The following MIOS variants were observed in gnomAD, a reference collection of about 807,000 sequenced individuals.
The protein encoded by MIOS is GATOR2 complex protein MIOS.
A neutral mutation model predicts 96.9 loss-of-function variants in MIOS; 52 were observed. The observed-to-expected ratio is 0.54, with a 90% confidence interval of 0.43 to 0.68. The LOEUF is 0.68. Ranked by LOEUF, MIOS falls within the 30% of genes least tolerant of loss-of-function variation. The pLI, the probability that MIOS is intolerant of heterozygous loss-of-function variation, is 0.00. For missense variants in MIOS, 1,005 were observed against 1,052.8 expected (o/e 0.95, Z 0.63); for synonymous variants, 397 against 359.5 (o/e 1.10, Z -1.18).
intron 5 of MIOS, among the ~76,000 whole-genome samples, chr7:7,575,344 GTTCAC>G (rs1783495269): frequency 6.6e-6 from 1 of 151,852 alleles, no homozygotes; most frequent in South Asian, 2.1e-4. Context: ...AATTACTTTG[GTTCAC>G]TTTACTGAAA....
chr7:7,588,597 T>C, intron 8 of MIOS, 34 bp downstream of exon 8: 1 of 1,405,584 alleles, frequency 7.1e-7, no homozygotes, highest in Non-Finnish European at 9.9e-7. Flanking sequence ...TTTGAAGTAA[T>C]TAATATGTAC....
intron 5 of MIOS, among the ~76,000 whole-genome samples, chr7:7,578,674 T>C (rs1469847164): frequency 1.3e-5 from 2 of 152,138 alleles, no homozygotes; most frequent in Non-Finnish European, 2.9e-5. Context: ...AAGAGCATAG[T>C]ATCTGATTGC....
chr7:7,600,008 AG>A (rs1371676955), intron 11 of MIOS, among the ~76,000 whole-genome samples: 5 of 152,108 alleles, frequency 3.3e-5, no homozygotes, highest in Admixed American at 1.3e-4. Context: ...AACAGACACC[AG>A]GGCTTACTGG....
rs141631713 is a variant in MIOS at position 7,573,433 on chromosome 7, C to T, written c.958C>T (p.Pro320Ser). ...CACAATAATTGAAAGAAGTGTGCAACCTTGTGACAATTACATTGCTTCCTT... is the reference window on the plus strand; with the variant it reads ...CACAATAATTGAAAGAAGTGTGCAATCTTGTGACAATTACATTGCTTCCTT... ...EPTIIERSVQ[P>S]CDNYIASFAW... The change falls in exon 4 of 13, where the codon CCT becomes TCT. Residue 320 changes from proline (P) to serine (S), a missense_variant. Pro to Ser is a moderately conservative substitution (Grantham distance 74). This residue lies in a region of MIOS where 865 missense variants were observed against 887.9 expected (regional missense o/e 0.97). Coordinates refer to ENST00000340080, the MANE Select transcript of MIOS (RefSeq NM_019005.4). The surrounding 1 kb of genome is among the most constrained non-coding windows in gnomAD (Gnocchi z 5.0). 6.2e-7 allele frequency: 1 copy of T among 1,614,128 alleles called. No individual in the cohort carries two copies. The highest frequency in any genetic ancestry group is 2.2e-5 in the East Asian group (1 of 44,884).
chr7:7,572,351 T>G lies in MIOS; in HGVS notation c.-40-85T>G. The stretch of plus-strand genomic sequence containing the variant: ...AAAAAGAGGGTTCTTGAATAGAGAA[T>G]TTTCTGACTTTCTGAATAGTTTATT... On this transcript the variant is annotated intron_variant, in intron 3 of 12. Coordinates refer to ENST00000340080, the MANE Select transcript of MIOS (RefSeq NM_019005.4). The surrounding 1 kb of genome is among the most constrained non-coding windows in gnomAD (Gnocchi z 4.8). 1.6e-6 allele frequency: 1 copy of G among 634,162 alleles called. No individual in the cohort carries two copies. Among genetic ancestry groups the G allele is most frequent in the South Asian group, 3.4e-5 (1 of 29,750 alleles). 39.3% of individuals were successfully genotyped at this position (634,162 alleles called of 1,614,324 possible). A position where few individuals can be genotyped will look rare whatever the true frequency, so the allele number is the denominator to read the frequency against.
chr7:7,603,410 C>T (rs11771272), intron 11 of MIOS, among the ~76,000 whole-genome samples: 23 of 151,870 alleles, frequency 1.5e-4, no homozygotes, highest in Admixed American at 2.6e-4. Context: ...AGGATATGAA[C>T]AGACACTTCT....
Position 7,607,240 on chromosome 7 carries a change from T to C in MIOS, c.*148T>C. The C allele has an allele frequency of 1.7e-6, 1 of 575,982 alleles. No homozygotes were observed. Among genetic ancestry groups the C allele is most frequent in the Non-Finnish European group, 3.0e-6 (1 of 336,966 alleles). The allele number at this position is 575,982 out of a possible 1,614,324, so 35.7% of individuals were successfully genotyped here. A position where few individuals can be genotyped will look rare whatever the true frequency, so the allele number is the denominator to read the frequency against. On this transcript the variant is annotated 3_prime_UTR_variant, in exon 13 of 13. Transcript: ENST00000340080. ...TCTATCAGATCAGCAGTTTTGATGTTTGAGTGATTTTGATATGCTTCACAG... is the reference window on the plus strand; with the variant it reads ...TCTATCAGATCAGCAGTTTTGATGTCTGAGTGATTTTGATATGCTTCACAG...
chr7:7,597,542 T>A (rs1463029162), intron 11 of MIOS, among the ~76,000 whole-genome samples: 1 of 132,046 alleles, frequency 7.6e-6, no homozygotes, highest in Non-Finnish European at 1.6e-5. Context: ...ATGTTTTAAA[T>A]GTACATTTTA....
intron 9 of MIOS, 132 bp downstream of exon 9, chr7:7,589,695 G>T: frequency 1.1e-6 from 1 of 927,604 alleles, no homozygotes. Flanking sequence ...CTAATCAGTT[G>T]ATCTACTGAA....
chr7:7,596,565 A>G (rs1784208856), intron 11 of MIOS, 104 bp downstream of exon 11: 2 of 1,145,832 alleles, frequency 1.7e-6, no homozygotes, highest in Admixed American at 2.1e-5. Flanking sequence ...TATTATTTCT[A>G]AGAAAGGGCA....
At chr7:7,594,932 T>C (rs1030864206) in intron 9 of MIOS, 48 bp from the exon 10 acceptor site, 3 of 1,459,702 alleles carry the variant, frequency 2.1e-6, no homozygotes, top group Non-Finnish European at 2.8e-6. Context: ...GTCTCTGGCC[T>C]AGCCAGGAGA....
intron 11 of MIOS, among the ~76,000 whole-genome samples, chr7:7,598,200 C>T (rs772642221): frequency 1.6e-4 from 24 of 152,176 alleles, no homozygotes; most frequent in Non-Finnish European, 3.1e-4. Flanking sequence ...GTCAGAATGT[C>T]TGTTTTAATT....
chr7:7,600,200 A>T (rs983599098), intron 11 of MIOS, among the ~76,000 whole-genome samples: 7 of 150,292 alleles, frequency 4.7e-5, no homozygotes, highest in African/African-American at 1.7e-4. Context: ...GAAGCAAATT[A>T]TTTTTTTTTG....
At chr7:7,589,671 C>T in intron 9 of MIOS, 108 bp downstream of exon 9, 1 of 1,254,902 alleles carries the variant, frequency 8.0e-7, no homozygotes, top group South Asian at 1.6e-5. Flanking sequence ...CTTTAGAAGG[C>T]ATTTAGTTTT....
chr7:7,603,048 A>T lies in MIOS; in HGVS notation c.2402-2894A>T, dbSNP rs549323838. ...AAAGCTGAAACTGGATCCCTTCCTT[A>T]CACCTTATACAAAAATTAATTCAAG... On this transcript the variant is annotated intron_variant, in intron 11 of 12. Transcript: ENST00000340080. Among the ~76,000 whole-genome samples the T allele has an allele frequency of 2.2e-4, 33 of 152,122 alleles. No individual in the cohort carries two copies. The South Asian group carries it at 3.5e-3, about 16-fold the overall frequency.
intron 6 of MIOS, among the ~76,000 whole-genome samples, chr7:7,584,074 A>G (rs1783811266): frequency 6.6e-6 from 1 of 152,164 alleles, no homozygotes; most frequent in Non-Finnish European, 1.5e-5. Flanking sequence ...CCTAAAAAAT[A>G]ATTTTTGAAT....
intron 9 of MIOS, among the ~76,000 whole-genome samples, chr7:7,590,187 C>G (rs868459911): frequency 1.3e-5 from 2 of 152,146 alleles, no homozygotes; most frequent in African/African-American, 4.8e-5. Context: ...CTGCCCTCAT[C>G]CTCATATCAC....
chr7:7,586,845 G>A (rs965697279), intron 7 of MIOS, among the ~76,000 whole-genome samples: 7 of 152,204 alleles, frequency 4.6e-5, no homozygotes, highest in African/African-American at 1.7e-4. Flanking sequence ...ATAAAATAAT[G>A]CTTTCACGAA....
At chr7:7,604,667 T>C (rs192744519) in intron 11 of MIOS, among the ~76,000 whole-genome samples, 6 of 152,338 alleles carry the variant, frequency 3.9e-5, no homozygotes, top group African/African-American at 9.6e-5. Flanking sequence ...GCACTTGTCT[T>C]CATAATTCAC....
Sources: allele counts gnomAD v4.1 joint callset (sites outside exome capture counted in the v4.1 genomes callset), GRCh38; gene constraint gnomAD v4.1.1; regional missense constraint gnomAD v4.1.1; non-coding constraint Gnocchi (gnomAD v3.1); transcripts MANE v1.5; gene names NCBI Gene and HGNC (gene_info 2026-07-23, HGNC 2026-07-21).